Variants in TBC1D8 observed in about 807,000 individuals in gnomAD.
TBC1D8 encodes BUB2-like protein 1.
Under a neutral mutation model 118.8 loss-of-function variants are expected in TBC1D8, and 65 were observed. The ratio of observed to expected loss-of-function variants is 0.55; its 90% CI spans 0.45 to 0.67. The LOEUF (loss-of-function observed/expected upper bound fraction) is 0.67. TBC1D8 is among the 30% of genes least tolerant of loss of function. The probability of loss-of-function intolerance (pLI) is 0.00; values close to 1 mark genes in which losing one functional copy is unlikely to be tolerated. For synonymous variants in TBC1D8, 566 were observed against 595.8 expected (o/e 0.95, Z 0.73); for missense variants, 1,376 against 1,471.2 (o/e 0.94, Z 1.06).
At chr2:101,015,065 C>T (rs1304028471) in intron 17 of TBC1D8, among the ~76,000 whole-genome samples, 1 of 152,178 alleles carries the variant, frequency 6.6e-6, no homozygotes, top group African/African-American at 2.4e-5. Context: ...AGTGGACTTA[C>T]ACGAACCTAG....
chr2:101,119,017 C>G (rs576256946), intron 1 of TBC1D8, among the ~76,000 whole-genome samples: 113 of 151,750 alleles, frequency 7.4e-4, no homozygotes, highest in Non-Finnish European at 1.6e-4. Context: ...CTCTGCCCCC[C>G]CAAAAAAAAG....
At chr2:101,131,441 G>A (rs1198198305) in intron 1 of TBC1D8, among the ~76,000 whole-genome samples, 1 of 151,874 alleles carries the variant, frequency 6.6e-6, no homozygotes, top group Admixed American at 6.6e-5. Flanking sequence ...CTTGAACCCG[G>A]GAGGCAGAGG....
chr2:101,123,390 G>A (rs1333776889), intron 1 of TBC1D8, among the ~76,000 whole-genome samples: 1 of 152,068 alleles, frequency 6.6e-6, no homozygotes, highest in Non-Finnish European at 1.5e-5. Flanking sequence ...TGTACATAGT[G>A]CAAATTAGCA....
intron 1 of TBC1D8, among the ~76,000 whole-genome samples, chr2:101,125,860 G>C (rs1223568833): frequency 6.6e-6 from 1 of 152,118 alleles, no homozygotes; most frequent in East Asian, 1.9e-4. Context: ...TGAGTTCTTA[G>C]CTCTTCCTCC....
intron 17 of TBC1D8, among the ~76,000 whole-genome samples, chr2:101,020,636 G>C (rs995456436): frequency 2.0e-5 from 3 of 152,218 alleles, no homozygotes; most frequent in Non-Finnish European, 4.4e-5. Context: ...TAAGGTATAA[G>C]ATGCCAGTTC....
rs1279356693 is a variant in TBC1D8, at chr2:101,038,661, C to T, written c.1081-6G>A. The T allele has an allele frequency of 9.3e-6, 15 of 1,613,344 alleles. No individual in the cohort carries two copies. The highest frequency in any genetic ancestry group is 1.2e-5 in the Non-Finnish European group (14 of 1,179,784). ...ATCTTCTCGATGCTCACCACCTGCG[C>T]GAGAGGCAACATGCAGGGACAGAAG... On this transcript the variant is annotated splice_region_variant and splice_polypyrimidine_tract_variant and intron_variant, in intron 6 of 19. Transcript: ENST00000409318.
intron 1 of TBC1D8, among the ~76,000 whole-genome samples, chr2:101,124,947 G>A (rs1678287871): frequency 6.6e-6 from 1 of 152,152 alleles, no homozygotes; most frequent in South Asian, 2.1e-4. Context: ...ATGTGCCTTA[G>A]AAATAAGCTC....
At chr2:101,050,259 C>T (rs553876884) in intron 5 of TBC1D8, 142 bp downstream of exon 5, 2 of 1,240,798 alleles carry the variant, frequency 1.6e-6, no homozygotes, top group East Asian at 4.8e-5. Flanking sequence ...AGATTAACGA[C>T]ATACAAAAAT....
intron 1 of TBC1D8, among the ~76,000 whole-genome samples, chr2:101,147,784 T>C (rs186008806): frequency 6.6e-6 from 1 of 152,186 alleles, no homozygotes; most frequent in African/African-American, 2.4e-5. Context: ...AGGGCAGCAA[T>C]GTTGTGTGTT....
At chr2:101,113,478 GC>G (rs1677693344) in intron 1 of TBC1D8, among the ~76,000 whole-genome samples, 1 of 152,038 alleles carries the variant, frequency 6.6e-6, no homozygotes, top group Admixed American at 6.6e-5. Flanking sequence ...CTGCAGAAAG[GC>G]TGTTAAACTT....
chr2:101,122,958 C>T (rs1394818092), intron 1 of TBC1D8, among the ~76,000 whole-genome samples: 3 of 152,042 alleles, frequency 2.0e-5, no homozygotes, highest in South Asian at 4.1e-4. Context: ...TGTGGTACAG[C>T]GATGTGATGT....
intron 17 of TBC1D8, chr2:101,017,726 T>A (rs929425638): frequency 1.3e-4 from 119 of 947,508 alleles, no homozygotes; most frequent in Non-Finnish European, 1.6e-4. Flanking sequence ...TACATCACTT[T>A]ATCACAGGCA....
At chr2:101,041,620 G>T (rs2105401439) in intron 5 of TBC1D8, among the ~76,000 whole-genome samples, 1 of 152,168 alleles carries the variant, frequency 6.6e-6, no homozygotes, top group African/African-American at 2.4e-5. Flanking sequence ...AATTGATTGT[G>T]GTGATGGTTG....
intron 4 of TBC1D8, 48 bp downstream of exon 4, chr2:101,054,060 T>A: frequency 1.3e-6 from 2 of 1,547,426 alleles, no homozygotes. Context: ...CAGCGCTGAG[T>A]CCCTGGGGCC....
At chr2:101,108,995 GTAAATC>G (rs920898219) in intron 1 of TBC1D8, among the ~76,000 whole-genome samples, 2 of 152,112 alleles carry the variant, frequency 1.3e-5, no homozygotes, top group African/African-American at 2.4e-5. Context: ...CAATTTTTCT[GTAAATC>G]TAAAACTGTT....
intron 1 of TBC1D8, among the ~76,000 whole-genome samples, chr2:101,093,718 GA>G (rs910585526): frequency 2.7e-5 from 4 of 148,462 alleles, no homozygotes; most frequent in African/African-American, 9.8e-5. Context: ...CCATCTCAGG[GA>G]AAAAAAAAGA....
intron 3 of TBC1D8, among the ~76,000 whole-genome samples, chr2:101,058,493 A>G (rs976577733): frequency 1.3e-5 from 2 of 152,182 alleles, no homozygotes; most frequent in African/African-American, 4.8e-5. Flanking sequence ...TAAATTTAGA[A>G]TGAGAAACCA....
chr2:101,135,522 C>T (rs1678816365), intron 1 of TBC1D8, among the ~76,000 whole-genome samples: 1 of 152,230 alleles, frequency 6.6e-6, no homozygotes, highest in Admixed American at 6.5e-5. Context: ...TGTGAAGCCA[C>T]CTCAAATGTT....
At chr2:101,040,041 G>A (rs1333996697) in intron 6 of TBC1D8, 137 bp downstream of exon 6, 4 of 962,896 alleles carry the variant, frequency 4.2e-6, no homozygotes, top group Admixed American at 2.4e-5. Context: ...AAGAAGCCCA[G>A]CCTTGGAGTC....
Sources: gnomAD v4.1 joint callset for allele counts (sites outside exome capture counted in the v4.1 genomes callset) on GRCh38, gnomAD v4.1.1 for gene constraint, MANE v1.5 for transcripts, NCBI Gene and HGNC (gene_info 2026-07-23, HGNC 2026-07-21) for gene names.